Variants in KCND2 observed in about 807,000 individuals in gnomAD.
KCND2 encodes the protein potassium voltage-gated channel subfamily D member 2, also known as A-type voltage-gated potassium channel KCND2.
KCND2 carries 16 observed loss-of-function variants against 54.4 expected under a neutral mutation model. The ratio of observed to expected loss-of-function variants is 0.29; its 90% confidence interval spans 0.20 to 0.45. The LOEUF is 0.45. Ranked by LOEUF, KCND2 falls within the 20% of genes least tolerant of loss-of-function variation. The probability of loss-of-function intolerance (pLI) is 1.00; values close to 1 mark genes in which losing one functional copy is unlikely to be tolerated. For synonymous variants in KCND2, 317 were observed against 310.7 expected (o/e 1.02, Z -0.21); for missense variants, 486 against 824.2 (o/e 0.59, Z 5.02).
intron 1 of KCND2, among the ~76,000 whole-genome samples, chr7:120,613,923 C>T (rs1425220565): frequency 6.6e-6 from 1 of 151,904 alleles, no homozygotes; most frequent in Non-Finnish European, 1.5e-5. Flanking sequence ...ATGCAATTTT[C>T]GCTATTATTG....
chr7:120,378,402 A>G (rs1171436711), intron 1 of KCND2, among the ~76,000 whole-genome samples: 2 of 151,966 alleles, frequency 1.3e-5, no homozygotes, highest in Non-Finnish European at 2.9e-5. Flanking sequence ...TAGATTTTCC[A>G]TGATTAAACT....
chr7:120,482,610 A>T (rs1314357302), intron 1 of KCND2, among the ~76,000 whole-genome samples: 1 of 152,134 alleles, frequency 6.6e-6, no homozygotes. Flanking sequence ...GGAGTGGGCT[A>T]GTTATCTTGG....
chr7:120,465,503 T>C (rs1802354146), intron 1 of KCND2, among the ~76,000 whole-genome samples: 3 of 150,384 alleles, frequency 2.0e-5, no homozygotes, highest in African/African-American at 4.9e-5. Flanking sequence ...AAATGGACCA[T>C]GAAAAAAAAA....
chr7:120,561,225 TAAA>T (rs772786593), intron 1 of KCND2, among the ~76,000 whole-genome samples: 164 of 152,154 alleles, frequency 1.1e-3, no homozygotes, highest in Non-Finnish European at 8.4e-4. Context: ...GCACTGCAAA[TAAA>T]GAAGTAAAAG....
intron 1 of KCND2, among the ~76,000 whole-genome samples, chr7:120,633,284 G>T (rs569073044): frequency 2.0e-5 from 3 of 152,282 alleles, no homozygotes; most frequent in Non-Finnish European, 2.9e-5. Context: ...TTTAAGCAAA[G>T]TTGGCAGGTA....
intron 1 of KCND2, among the ~76,000 whole-genome samples, chr7:120,631,565 T>C (rs976348951): frequency 6.6e-6 from 1 of 152,084 alleles, no homozygotes; most frequent in African/African-American, 2.4e-5. Context: ...AATTGCATAT[T>C]CTACTTGATG....
intron 1 of KCND2, among the ~76,000 whole-genome samples, chr7:120,300,238 A>G (rs1799565900): frequency 1.3e-5 from 2 of 152,150 alleles, no homozygotes; most frequent in Non-Finnish European, 1.5e-5. Flanking sequence ...CATATTAGTG[A>G]GATATTATAA....
At chr7:120,630,816 T>C (rs916763028) in intron 1 of KCND2, among the ~76,000 whole-genome samples, 6 of 152,192 alleles carry the variant, frequency 3.9e-5, no homozygotes, top group Non-Finnish European at 7.4e-5. Flanking sequence ...TTTGTTTTTA[T>C]GTTAATGTGA....
At position 120,503,958 on chromosome 7, in the gene KCND2, T is replaced by C. The variant is rs1040688830; in HGVS notation, c.1115+228211T>C. On this transcript the variant is annotated intron_variant, in intron 1 of 5. Coordinates refer to ENST00000331113, the MANE Select transcript of KCND2 (RefSeq NM_012281.3). ...TAAAAAGCCTTGAAAAATCTTTTGC[T>C]CCTTTCTTGTATCGTTCTAAAACAG... Among the ~76,000 whole-genome samples, 6 of 152,112 alleles carry C rather than the reference T, an allele frequency of 3.9e-5. No individual in the cohort carries two copies. In the South Asian group the frequency reaches 8.3e-4, roughly 21 times the overall value.
intron 1 of KCND2, among the ~76,000 whole-genome samples, chr7:120,601,188 A>T (rs75486987): frequency 0.065 from 9,828 of 152,202 alleles, 494 homozygotes; most frequent in South Asian, 0.09. Context: ...ATATATAAAT[A>T]AGAGTTACCA....
intron 1 of KCND2, among the ~76,000 whole-genome samples, chr7:120,499,931 G>A (rs984729645): frequency 1.3e-5 from 2 of 151,936 alleles, no homozygotes; most frequent in African/African-American, 4.8e-5. Context: ...TACCACCATT[G>A]TCCCCACCTA....
intron 1 of KCND2, among the ~76,000 whole-genome samples, chr7:120,674,042 C>T (rs1046530610): frequency 2.0e-5 from 3 of 151,820 alleles, no homozygotes; most frequent in Non-Finnish European, 4.4e-5. Flanking sequence ...GTAGCTGGGA[C>T]GCAGACATGC....
chr7:120,300,333 C>A (rs1281103169), intron 1 of KCND2, among the ~76,000 whole-genome samples: 1 of 152,096 alleles, frequency 6.6e-6, no homozygotes, highest in East Asian at 1.9e-4. Context: ...GCAGCAAATA[C>A]ATGAAGGAAC....
At chr7:120,337,079 A>G (rs1425522698) in intron 1 of KCND2, among the ~76,000 whole-genome samples, 1 of 152,094 alleles carries the variant, frequency 6.6e-6, no homozygotes, top group Non-Finnish European at 1.5e-5. Flanking sequence ...CTCTCCACGT[A>G]TGTAACTTTA....
At chr7:120,569,474 A>G (rs1177307943) in intron 1 of KCND2, among the ~76,000 whole-genome samples, 1 of 152,162 alleles carries the variant, frequency 6.6e-6, no homozygotes, top group African/African-American at 2.4e-5. Flanking sequence ...AACTCAGAAG[A>G]AAGGAAGTTT....
At chr7:120,347,832 A>G (rs1352407303) in intron 1 of KCND2, among the ~76,000 whole-genome samples, 2 of 152,174 alleles carry the variant, frequency 1.3e-5, no homozygotes, top group African/African-American at 4.8e-5. Context: ...AAAGAACCGT[A>G]GACAGAGTGG....
intron 1 of KCND2, among the ~76,000 whole-genome samples, chr7:120,286,202 A>T (rs1235808031): frequency 6.6e-6 from 1 of 151,860 alleles, no homozygotes; most frequent in Non-Finnish European, 1.5e-5. Context: ...CAATTTTTGG[A>T]TCTGTACATA....
In KCND2 at chr7:120,275,367, G is replaced by T; in HGVS notation, c.735G>T (p.Leu245Phe). The change falls in exon 1 of 6, where the codon TTG becomes TTT. Residue 245 changes from leucine (L) to phenylalanine (F), a missense_variant. This residue lies in a region of KCND2 where 231 missense variants were observed against 386.0 expected (regional missense o/e 0.60). Coordinates refer to ENST00000331113, the MANE Select transcript of KCND2 (RefSeq NM_012281.3). Reference protein sequence around the residue: ...ACVMIFTVEYLLRLAAAPSRY... With the variant: ...ACVMIFTVEYFLRLAAAPSRY... ...TCATGATCTTCACAGTTGAGTATTT[G>T]CTTCGCCTGGCTGCAGCGCCTAGTC... 1 of 1,613,756 alleles carries T rather than the reference G, an allele frequency of 6.2e-7. No individual in the cohort carries two copies. Among genetic ancestry groups the T allele is most frequent in the Middle Eastern group, 1.6e-4 (1 of 6,062 alleles).
At chr7:120,622,571 T>C (rs1793112755) in intron 1 of KCND2, among the ~76,000 whole-genome samples, 1 of 151,824 alleles carries the variant, frequency 6.6e-6, no homozygotes, top group Non-Finnish European at 1.5e-5. Context: ...CAACTCCACA[T>C]AATATTCAAG....
Sources: gnomAD v4.1 joint callset for allele counts (sites outside exome capture counted in the v4.1 genomes callset) on GRCh38, gnomAD v4.1.1 for gene constraint, gnomAD v4.1.1 regional missense constraint, MANE v1.5 for transcripts, NCBI Gene and HGNC (gene_info 2026-07-23, HGNC 2026-07-21) for gene names.